PRH1: variants seen among roughly 807,000 people sequenced by gnomAD.
PRH1 encodes salivary acidic proline-rich phosphoprotein 1/2.
PRH1 carries 7 observed loss-of-function variants against 7.9 expected under a neutral mutation model. The ratio of observed to expected loss-of-function variants is 0.89; its 90% confidence interval spans 0.50 to 1.67. The LOEUF (loss-of-function observed/expected upper bound fraction) is 1.67, where lower values mean the gene tolerates loss of function less well. Ranked by LOEUF, PRH1 falls within the 40% of genes most tolerant of loss-of-function variation. PRH1 has a pLI of 0.00. For synonymous variants in PRH1, 45 were observed against 80.8 expected, an observed-to-expected ratio of 0.56 and a Z score of 2.38; for missense variants, 109 against 223.6, an observed-to-expected ratio of 0.49 and a Z score of 3.27.
chr12:11,109,003 T>C (rs771880181), intron 1 of PRH1, among the ~76,000 whole-genome samples: 2 of 152,144 alleles, frequency 1.3e-5, no homozygotes, highest in Non-Finnish European at 2.9e-5. Flanking sequence ...CCGCCATTAC[T>C]GGGGCTTGAG....
chr12:10,989,096 C>T (rs10161480), intron 1 of PRH1, among the ~76,000 whole-genome samples: 32,064 of 152,164 alleles, frequency 0.21, 4,008 homozygotes, highest in Non-Finnish European at 0.27. Context: ...GCGTGAGCCA[C>T]CGCGCCTGGC....
chr12:11,157,221 T>C (rs1052826533), intron 1 of PRH1, among the ~76,000 whole-genome samples: 1 of 152,256 alleles, frequency 6.6e-6, no homozygotes, highest in African/African-American at 2.4e-5. Flanking sequence ...GCAGCTTCTC[T>C]GTTGCTGCAT....
chr12:11,137,727 G>T (rs1035152137), intron 1 of PRH1, among the ~76,000 whole-genome samples: 17 of 152,066 alleles, frequency 1.1e-4, no homozygotes, highest in African/African-American at 4.1e-4. Context: ...CTTAAACTTT[G>T]CTGTTTACTC....
At chr12:10,976,999 G>A (rs1939133614) in intron 1 of PRH1, among the ~76,000 whole-genome samples, 1 of 152,002 alleles carries the variant, frequency 6.6e-6, no homozygotes, top group Admixed American at 6.6e-5. Flanking sequence ...ACAAAGCACT[G>A]GTATGATTTA....
At chr12:10,911,925 G>A in intron 2 of PRH1, among the ~76,000 whole-genome samples, 1 of 152,048 alleles carries the variant, frequency 6.6e-6, no homozygotes, top group East Asian at 1.9e-4. Flanking sequence ...ACAACTATCT[G>A]CAATTCAAAT....
chr12:11,094,136 TAC>T (rs1163508609), intron 1 of PRH1, among the ~76,000 whole-genome samples: 2 of 111,200 alleles, frequency 1.8e-5, no homozygotes, highest in Non-Finnish European at 4.2e-5. Flanking sequence ...ACCCCGTCTC[TAC>T]TAAAAATACA....
chr12:11,149,519 T>C (rs1246658767), intron 1 of PRH1, among the ~76,000 whole-genome samples: 6 of 150,316 alleles, frequency 4.0e-5, no homozygotes, highest in Non-Finnish European at 8.9e-5. Context: ...ACGCCGCATA[T>C]CTACAACTAT....
At chr12:11,025,436 A>G (rs1047177548) in intron 1 of PRH1, among the ~76,000 whole-genome samples, 2 of 151,842 alleles carry the variant, frequency 1.3e-5, no homozygotes, top group Non-Finnish European at 2.9e-5. Context: ...TTTAGAATAC[A>G]GTTCTTTTCA....
intron 1 of PRH1, among the ~76,000 whole-genome samples, chr12:11,085,353 T>G (rs201560148): frequency 2.2e-5 from 3 of 138,066 alleles, no homozygotes; most frequent in Non-Finnish European, 4.8e-5. Context: ...AAAATAGTCT[T>G]TAAGTACAAT....
In PRH1 at chr12:11,022,578, A is replaced by G. The variant is rs755216375; in HGVS notation, c.-126+24442T>C. On this transcript the variant is annotated intron_variant, in intron 1 of 3. Transcript: ENST00000539853. ...TGAGCAGAAAACACATCATGTTTGA[A>G]CAGATAAAAAAATGCAGGCTTAGTA... 29 of 1,587,452 alleles carry G rather than the reference A, an allele frequency of 1.8e-5. No individual in the cohort carries two copies. The East Asian group carries it at 6.3e-4, about 34-fold the overall frequency.
chr12:10,929,192 A>G (rs1049657210), intron 2 of PRH1: 4 of 1,600,574 alleles, frequency 2.5e-6, no homozygotes, highest in Admixed American at 1.7e-5. Flanking sequence ...CAAATGCGCC[A>G]TTGTCCTGCT....
At chr12:11,050,564 G>C (rs1232465801), upstream of PRH1, among the ~76,000 whole-genome samples, 2 of 150,284 alleles carry the variant, frequency 1.3e-5, no homozygotes, top group Non-Finnish European at 3.0e-5. Context: ...TTTATGGCCA[G>C]ATTTGGGGGC....
intron 1 of PRH1, among the ~76,000 whole-genome samples, chr12:11,046,010 C>T (rs1218055912): frequency 6.6e-6 from 1 of 152,066 alleles, no homozygotes; most frequent in Non-Finnish European, 1.5e-5. Flanking sequence ...ATGTATATGA[C>T]TATAGAAAGT....
intron 1 of PRH1, among the ~76,000 whole-genome samples, chr12:11,155,125 C>G (rs185526595): frequency 2.1e-3 from 317 of 152,272 alleles, no homozygotes; most frequent in African/African-American, 6.8e-3. Context: ...CAATCCCAGG[C>G]AGTAACACTC....
chr12:10,984,223 G>A (rs889930842), intron 1 of PRH1, among the ~76,000 whole-genome samples: 20 of 152,042 alleles, frequency 1.3e-4, no homozygotes, highest in African/African-American at 4.8e-4. Flanking sequence ...TTTTTAAAAT[G>A]TATCACAATA....
intron 1 of PRH1, among the ~76,000 whole-genome samples, chr12:11,035,861 T>G (rs1409427420): frequency 6.6e-6 from 1 of 152,182 alleles, no homozygotes; most frequent in Non-Finnish European, 1.5e-5. Context: ...TCCACCACTC[T>G]ATTCCATGAT....
At chr12:11,109,612 G>T (rs1173873449) in intron 1 of PRH1, among the ~76,000 whole-genome samples, 1 of 152,012 alleles carries the variant, frequency 6.6e-6, no homozygotes, top group East Asian at 1.9e-4. Flanking sequence ...CAAACAAAAA[G>T]GAATAGCATC....
intron 1 of PRH1, among the ~76,000 whole-genome samples, chr12:11,163,962 C>G (rs80011333): frequency 6.6e-6 from 1 of 152,294 alleles, no homozygotes; most frequent in African/African-American, 2.4e-5. Flanking sequence ...GCAATCTAGA[C>G]TGGCACTTAG....
chr12:11,073,173 C>T (rs368346515), intron 1 of PRH1, among the ~76,000 whole-genome samples: 3,719 of 55,778 alleles, frequency 0.067, 193 homozygotes, highest in Non-Finnish European at 0.094. Flanking sequence ...GCTCTGTTGC[C>T]CAGGCTAGAG....
Sources: gnomAD v4.1 joint callset for allele counts (sites outside exome capture counted in the v4.1 genomes callset) on GRCh38, gnomAD v4.1.1 for gene constraint, MANE v1.5 for transcripts, NCBI Gene and HGNC (gene_info 2026-07-23, HGNC 2026-07-21) for gene names.